KCNQ1: variants seen among roughly 807,000 people sequenced by gnomAD.
The protein encoded by KCNQ1 is potassium voltage-gated channel subfamily Q member 1, also known as potassium voltage-gated channel subfamily KQT member 1.
Under a neutral mutation model 72.4 loss-of-function variants are expected in KCNQ1, and 49 were observed. The observed-to-expected ratio is 0.68, with a 90% CI of 0.54 to 0.86. KCNQ1 has a LOEUF of 0.86. Ranked by LOEUF, KCNQ1 falls within the 40% of genes least tolerant of loss-of-function variation. The pLI is 0.00. For missense variants in KCNQ1, 790 were observed against 945.1 expected (o/e 0.84, Z 2.15); for synonymous variants, 450 against 412.6 (o/e 1.09, Z -1.10).
rs1012387791 is a variant in KCNQ1, at chr11:2,690,675, A to G, written c.1514+28594A>G. The G allele has an allele frequency of 1.3e-5, 5 of 398,524 alleles. No individual in the cohort carries two copies. Among genetic ancestry groups the G allele is most frequent in the Admixed American group, 4.4e-5 (1 of 22,712 alleles). 24.7% of individuals were successfully genotyped at this position (398,524 alleles called of 1,614,324 possible). On this transcript the variant is annotated intron_variant, in intron 11 of 15. Coordinates refer to ENST00000155840, the MANE Select transcript of KCNQ1 (RefSeq NM_000218.3). This position sits in a 1 kb window ranked among gnomAD's most constrained non-coding sequence, Gnocchi z 5.1. ...TGTATGTGTGTCAGTGCACATAGGT[A>G]TAGGGGCTGTCTCTCAGAATTCCTG... is the stretch of plus-strand genomic sequence containing the variant.
At chr11:2,571,539 G>A in intron 4 of KCNQ1, 136 bp downstream of exon 4, 1 of 751,522 alleles carries the variant, frequency 1.3e-6, no homozygotes, top group Non-Finnish European at 2.3e-6. Context: ...CGGGGGCACT[G>A]AGCCATGTGC....
chr11:2,464,429 C>T lies in KCNQ1; in HGVS notation c.386+18945C>T, dbSNP rs1398371204. 1.3e-5 allele frequency among the ~76,000 whole-genome samples: 2 copies of T among 152,164 alleles called. No homozygotes were observed. Among genetic ancestry groups the T allele is most frequent in the African/African-American group, 2.4e-5 (1 of 41,428 alleles). On this transcript the variant is annotated intron_variant, in intron 1 of 15. Coordinates refer to ENST00000155840, the MANE Select transcript of KCNQ1 (RefSeq NM_000218.3). The surrounding 1 kb of genome is among the most constrained non-coding windows in gnomAD (Gnocchi z 5.0). ...CTGGAGTCCCTGGAGTGTCTTCTGG[C>T]ATCGCATGGATGAGAACTCTGAATG...
rs374564246 is a variant in KCNQ1, at chr11:2,483,896, C to T, written c.386+38412C>T. Among the ~76,000 whole-genome samples, 2 of 152,280 alleles carry T rather than the reference C, an allele frequency of 1.3e-5. No individual in the cohort carries two copies. The highest frequency in any genetic ancestry group is 4.1e-4 in the South Asian group (2 of 4,826). On this transcript the variant is annotated intron_variant, in intron 1 of 15. Coordinates refer to ENST00000155840, the MANE Select transcript of KCNQ1 (RefSeq NM_000218.3). This position sits in a 1 kb window ranked among gnomAD's most constrained non-coding sequence, Gnocchi z 6.1. ...AAGCTACATTGAGACATTGCAGCTG[C>T]CTTTTTTCTCCTGAGATTTTGCCCC...
chr11:2,531,486 C>T (rs747152318), intron 2 of KCNQ1, among the ~76,000 whole-genome samples: 2 of 152,158 alleles, frequency 1.3e-5, no homozygotes, highest in Non-Finnish European at 2.9e-5. Flanking sequence ...AGCTGTGCCC[C>T]CAGGGAAGCC....
intron 2 of KCNQ1, among the ~76,000 whole-genome samples, chr11:2,534,000 G>T (rs1217369578): frequency 6.6e-6 from 1 of 152,154 alleles, no homozygotes; most frequent in Non-Finnish European, 1.5e-5. Flanking sequence ...CTCTGCTGAG[G>T]CTCCCTCCGC....
chr11:2,655,084 T>G (rs1849820935), intron 10 of KCNQ1: 1 of 398,622 alleles, frequency 2.5e-6, no homozygotes, highest in African/African-American at 2.1e-5. Context: ...GTGCCTGTAT[T>G]TTTAAAAAAA....
intron 10 of KCNQ1, chr11:2,644,183 T>A (rs1040155008): frequency 3.3e-5 from 13 of 398,454 alleles, no homozygotes; most frequent in Non-Finnish European, 4.9e-5. Flanking sequence ...TAAATAGGTT[T>A]TATAATCTTT....
chr11:2,800,245 G>T (rs1387297808), intron 15 of KCNQ1, among the ~76,000 whole-genome samples: 4 of 152,218 alleles, frequency 2.6e-5, no homozygotes, highest in Non-Finnish European at 5.9e-5. Flanking sequence ...CATCCCAGTG[G>T]CCTGAGGGTG....
intron 1 of KCNQ1, among the ~76,000 whole-genome samples, chr11:2,514,543 A>AGGTGGCTCATGGGCGC (rs1259329577): frequency 6.6e-6 from 1 of 152,190 alleles, no homozygotes; most frequent in Non-Finnish European, 1.5e-5. Context: ...TGGCCGGGCG[A>AGGTGGCTCATGGGCGC]GGTGGCTCAT....
Position 2,661,379 on chromosome 11 carries a change from T to C in KCNQ1, c.1394-582T>C, listed in dbSNP as rs2133855089. The C allele has an allele frequency of 2.5e-6, 1 of 408,052 alleles. No individual in the cohort carries two copies. Among genetic ancestry groups the C allele is most frequent in the Non-Finnish European group, 4.3e-6 (1 of 231,110 alleles). 25.3% of individuals were successfully genotyped at this position (408,052 alleles called of 1,614,324 possible). On this transcript the variant is annotated intron_variant, in intron 10 of 15. Coordinates refer to ENST00000155840, the MANE Select transcript of KCNQ1 (RefSeq NM_000218.3). The surrounding 1 kb of genome is among the most constrained non-coding windows in gnomAD (Gnocchi z 5.9). ...GCAGAGGTGGGCCCAGGAATCATAATGTGAAGCCAGCTGTTGGAGGGACTC... is the reference window on the plus strand; with the variant it reads ...GCAGAGGTGGGCCCAGGAATCATAACGTGAAGCCAGCTGTTGGAGGGACTC...
chr11:2,693,556 C>CT, intron 11 of KCNQ1: 1 of 398,668 alleles, frequency 2.5e-6, no homozygotes, highest in Non-Finnish European at 4.4e-6. Flanking sequence ...GAGCCCAAGG[C>CT]TTTTCGGAGG....
chr11:2,625,661 T>G (rs1009849776), intron 10 of KCNQ1: 1 of 397,172 alleles, frequency 2.5e-6, no homozygotes, highest in Non-Finnish European at 4.4e-6. Context: ...CTGCAACCTC[T>G]GCCTCCTGGG....
chr11:2,535,218 T>C (rs1847709997), intron 2 of KCNQ1, among the ~76,000 whole-genome samples: 1 of 152,108 alleles, frequency 6.6e-6, no homozygotes, highest in African/African-American at 2.4e-5. Context: ...CCTGCAGGCT[T>C]TGGGCGGGTA....
chr11:2,530,511 G>A (rs1041322913), intron 2 of KCNQ1, among the ~76,000 whole-genome samples: 1 of 152,360 alleles, frequency 6.6e-6, no homozygotes, highest in African/African-American at 2.4e-5. Context: ...GAGGCCCTTT[G>A]TACCTCTGCA....
intron 2 of KCNQ1, among the ~76,000 whole-genome samples, chr11:2,535,059 C>T (rs1248092670): frequency 6.6e-6 from 1 of 152,242 alleles, no homozygotes. Context: ...GGGTGGCCTG[C>T]AGCTCTGCCC....
chr11:2,535,922 T>C (rs969080523), intron 2 of KCNQ1, among the ~76,000 whole-genome samples: 1 of 152,122 alleles, frequency 6.6e-6, no homozygotes, highest in Non-Finnish European at 1.5e-5. Flanking sequence ...CTTCAGGGTG[T>C]GGGATGCACA....
Position 2,664,730 on chromosome 11 carries a change from G to T in KCNQ1, c.1514+2649G>T. 2.5e-6 allele frequency: 1 copy of T among 398,800 alleles called. No individual in the cohort carries two copies. Among genetic ancestry groups the T allele is most frequent in the Non-Finnish European group, 4.4e-6 (1 of 226,176 alleles). The allele number at this position is 398,800 out of a possible 1,614,324, so 24.7% of individuals were successfully genotyped here. ...AAGAGAGGCACACGCCCTGGTGTGT[G>T]TGAGGGACAGGGATGTGTGCTGGGG... On this transcript the variant is annotated intron_variant, in intron 11 of 15. Coordinates refer to ENST00000155840, the MANE Select transcript of KCNQ1 (RefSeq NM_000218.3). The surrounding 1 kb of genome is among the most constrained non-coding windows in gnomAD (Gnocchi z 5.1).
At position 2,602,839 on chromosome 11, in the gene KCNQ1, G is replaced by A. The variant is rs2133778825; in HGVS notation, c.1393+13985G>A. ...GATACTTATCTTAAGTCAGAAACAG[G>A]GTGCAAATATTTATTCATTGTAGCT... On this transcript the variant is annotated intron_variant, in intron 10 of 15. Transcript: ENST00000155840. This position sits in a 1 kb window ranked among gnomAD's most constrained non-coding sequence, Gnocchi z 4.8. 6.6e-6 allele frequency among the ~76,000 whole-genome samples: 1 copy of A among 152,228 alleles called. No individual in the cohort carries two copies. The highest frequency in any genetic ancestry group is 1.9e-4 in the East Asian group (1 of 5,188).
rs1025833001 is a variant in KCNQ1, at chr11:2,468,185, A to G, written c.386+22701A>G. On this transcript the variant is annotated intron_variant, in intron 1 of 15. Transcript: ENST00000155840. This position sits in a 1 kb window ranked among gnomAD's most constrained non-coding sequence, Gnocchi z 5.7. ...TTTCGAGACAGGGTCTCCCTCTGTCACTTAGGCTAAGAGTGCAGTGGTGTG... is the reference window on the plus strand; with the variant it reads ...TTTCGAGACAGGGTCTCCCTCTGTCGCTTAGGCTAAGAGTGCAGTGGTGTG... Among the ~76,000 whole-genome samples the G allele has an allele frequency of 2.2e-4, 33 of 152,196 alleles. No homozygotes were observed. Among genetic ancestry groups the G allele is most frequent in the African/African-American group, 7.7e-4 (32 of 41,448 alleles).
Sources: gnomAD v4.1 joint callset for allele counts (sites outside exome capture counted in the v4.1 genomes callset) on GRCh38, gnomAD v4.1.1 for gene constraint, Gnocchi (gnomAD v3.1) non-coding constraint, MANE v1.5 for transcripts, NCBI Gene and HGNC (gene_info 2026-07-23, HGNC 2026-07-21) for gene names.